DIP2A: variants seen among roughly 807,000 people sequenced by gnomAD.
The protein encoded by DIP2A is disco-interacting protein 2 homolog A.
A neutral mutation model predicts 177.4 loss-of-function variants in DIP2A; 85 were observed. That is an observed-to-expected ratio of 0.48 (90% CI 0.40 to 0.57). The LOEUF is 0.57. Ranked by LOEUF, DIP2A falls within the 20% of genes least tolerant of loss-of-function variation. The pLI is 0.00. For synonymous variants in DIP2A, 886 were observed against 881.8 expected (o/e 1.00, Z -0.08); for missense variants, 1,791 against 2,100.2 (o/e 0.85, Z 2.88).
intron 1 of DIP2A, among the ~76,000 whole-genome samples, chr21:46,470,112 CG>C (rs1372725776): frequency 6.6e-6 from 1 of 151,970 alleles, no homozygotes; most frequent in African/African-American, 2.4e-5. Flanking sequence ...CCAAGGCAGG[CG>C]GATCACCTGA....
Position 46,551,492 on chromosome 21 carries a change from G to C in DIP2A, c.2840-142G>C, listed in dbSNP as rs534743745. ...TCACTTAGCATAAACCTTGTAGCTA[G>C]CTTTCTGAATATTTGTATCTCAGTA... On this transcript the variant is annotated intron_variant, in intron 23 of 37. Transcript: ENST00000417564. 13 of 715,772 alleles carry C rather than the reference G, an allele frequency of 1.8e-5. 1 individual carries two copies. The South Asian group carries it at 2.5e-4, about 14-fold the overall frequency. The allele number at this position is 715,772 out of a possible 1,614,324, so 44.3% of individuals were successfully genotyped here.
intron 18 of DIP2A, among the ~76,000 whole-genome samples, chr21:46,543,784 C>T (rs773790723): frequency 2.6e-5 from 4 of 152,224 alleles, no homozygotes; most frequent in Non-Finnish European, 5.9e-5. Context: ...TTGTGTGGCA[C>T]TGATGGCTGC....
chr21:46,512,449 C>G (rs1182901224), intron 8 of DIP2A, among the ~76,000 whole-genome samples: 1 of 152,140 alleles, frequency 6.6e-6, no homozygotes. Flanking sequence ...TCTTTTCTCA[C>G]CAGCTTTTGA....
At chr21:46,463,719 T>TGTGTGTGTGTGTGTGTGTG (rs35675489) in intron 1 of DIP2A, among the ~76,000 whole-genome samples, 4 of 122,450 alleles carry the variant, frequency 3.3e-5, no homozygotes, top group Non-Finnish European at 4.9e-5. Context: ...TGTGTGTGTG[T>TGTGTGTGTGTGTGTGTGTG]ATATTTTGAG....
At chr21:46,495,139 C>A (rs987538734) in intron 3 of DIP2A, among the ~76,000 whole-genome samples, 1 of 151,804 alleles carries the variant, frequency 6.6e-6, no homozygotes, top group African/African-American at 2.4e-5. Flanking sequence ...CTCTCTCCCT[C>A]CCTCCCTTCC....
At chr21:46,549,938 C>T in intron 22 of DIP2A, 53 bp downstream of exon 22, 1 of 1,599,234 alleles carries the variant, frequency 6.3e-7, no homozygotes, top group African/African-American at 1.3e-5. Context: ...GCTGGCACCC[C>T]CACTCCACTC....
chr21:46,547,679 T>C (rs1215866691), intron 21 of DIP2A, among the ~76,000 whole-genome samples: 2 of 147,548 alleles, frequency 1.4e-5, no homozygotes, highest in Non-Finnish European at 3.0e-5. Flanking sequence ...TTTTTTTTTT[T>C]TTTAAAGATA....
Position 46,563,756 on chromosome 21 carries a change from C to G in DIP2A, c.4090-102C>G. The G allele has an allele frequency of 2.6e-6, 4 of 1,516,030 alleles. No homozygotes were observed. The highest frequency in any genetic ancestry group is 2.7e-6 in the Non-Finnish European group (3 of 1,128,578). 93.9% of individuals were successfully genotyped at this position (1,516,030 alleles called of 1,614,324 possible). On this transcript the variant is annotated intron_variant, in intron 34 of 37. Coordinates refer to ENST00000417564, the MANE Select transcript of DIP2A (RefSeq NM_015151.4). This position sits in a 1 kb window ranked among gnomAD's most constrained non-coding sequence, Gnocchi z 4.3. ...CCTGACCTGACATGAGCACATCAGTCCTGCAGGCCAGCTTCTGAGGGACGT... is the reference window on the plus strand; with the variant it reads ...CCTGACCTGACATGAGCACATCAGTGCTGCAGGCCAGCTTCTGAGGGACGT...
At chr21:46,494,715 C>G (rs1330775873) in intron 3 of DIP2A, among the ~76,000 whole-genome samples, 1 of 152,154 alleles carries the variant, frequency 6.6e-6, no homozygotes, top group East Asian at 1.9e-4. Context: ...TCCTCTTTTC[C>G]TTTTTCTTCT....
intron 3 of DIP2A, among the ~76,000 whole-genome samples, chr21:46,495,161 CCTCT>C (rs979426837): frequency 2.0e-5 from 3 of 150,020 alleles, no homozygotes; most frequent in Admixed American, 6.7e-5. Context: ...TCCATCCCTC[CCTCT>C]TTCTCTTTCG....
chr21:46,541,976 G>C, intron 18 of DIP2A, 81 bp downstream of exon 18: 4 of 1,556,802 alleles, frequency 2.6e-6, no homozygotes, highest in Non-Finnish European at 3.5e-6. Context: ...TTGAGACGGA[G>C]TCTTGCTTTG....
chr21:46,465,279 A>G (rs934007367), intron 1 of DIP2A, among the ~76,000 whole-genome samples: 3 of 152,154 alleles, frequency 2.0e-5, no homozygotes, highest in African/African-American at 7.2e-5. Context: ...GTCAAAAGTC[A>G]GATTTTGGCT....
intron 10 of DIP2A, 78 bp downstream of exon 10, chr21:46,532,315 C>A: frequency 8.4e-7 from 1 of 1,191,156 alleles, no homozygotes; most frequent in Non-Finnish European, 1.2e-6. Context: ...CCTTTTCACT[C>A]ATGTGGGCAG....
intron 1 of DIP2A, among the ~76,000 whole-genome samples, chr21:46,471,873 T>C (rs769972569): frequency 1.3e-5 from 2 of 152,236 alleles, no homozygotes; most frequent in African/African-American, 4.8e-5. Context: ...AAATCCTGTG[T>C]CTTCTTTCTA....
At chr21:46,503,506 A>G (rs1208992481) in intron 5 of DIP2A, among the ~76,000 whole-genome samples, 7 of 152,014 alleles carry the variant, frequency 4.6e-5, no homozygotes, top group Non-Finnish European at 1.5e-5. Flanking sequence ...TTTTTTCATA[A>G]TGTAACAAAA....
intron 1 of DIP2A, among the ~76,000 whole-genome samples, chr21:46,483,852 A>G (rs2056515376): frequency 6.6e-6 from 1 of 152,228 alleles, no homozygotes; most frequent in African/African-American, 2.4e-5. Context: ...CAAGCTAATC[A>G]TGAGAATTGT....
chr21:46,576,621 T>C, the DIP2A span, among the ~76,000 whole-genome samples: 2 of 152,194 alleles, frequency 1.3e-5, no homozygotes, highest in Non-Finnish European at 2.9e-5. Context: ...ATAATTTATA[T>C]TCCGCTGGGT....
In DIP2A at chr21:46,557,854, A is replaced by C. The variant is rs1410497368; in HGVS notation, c.3798+101A>C. ...CAAGACTCCCAAGGCCCCTCCCTGCAGTTGGAGGAAGTAGAGAAAACCCTT... is the reference window on the plus strand; with the variant it reads ...CAAGACTCCCAAGGCCCCTCCCTGCCGTTGGAGGAAGTAGAGAAAACCCTT... On this transcript the variant is annotated intron_variant, in intron 31 of 37. Coordinates refer to ENST00000417564, the MANE Select transcript of DIP2A (RefSeq NM_015151.4). The surrounding 1 kb of genome is among the most constrained non-coding windows in gnomAD (Gnocchi z 6.0). 3.6e-6 allele frequency: 5 copies of C among 1,383,806 alleles called. No individual in the cohort carries two copies. In the South Asian group the frequency reaches 7.1e-5, roughly 20 times the overall value. 85.7% of individuals were successfully genotyped at this position (1,383,806 alleles called of 1,614,324 possible).
At chr21:46,558,500 C>T (rs76448901) in intron 32 of DIP2A, 107 bp downstream of exon 32, 71,110 of 1,114,672 alleles carry the variant, frequency 0.064, 2,636 homozygotes, top group Non-Finnish European at 0.074. Flanking sequence ...TCTATTTCTC[C>T]TTCTCTGGGC....
Sources: allele counts gnomAD v4.1 joint callset (sites outside exome capture counted in the v4.1 genomes callset), GRCh38; gene constraint gnomAD v4.1.1; non-coding constraint Gnocchi (gnomAD v3.1); transcripts MANE v1.5; gene names NCBI Gene and HGNC (gene_info 2026-07-23, HGNC 2026-07-21).